The following GRID2 variants were observed in gnomAD, a reference collection of about 807,000 sequenced individuals.
The protein encoded by GRID2 is glutamate ionotropic receptor delta type subunit 2.
In GRID2, 33 loss-of-function variants were observed where a neutral mutation model predicts 114.8. That is an observed-to-expected ratio of 0.29 (90% CI 0.22 to 0.38). The LOEUF is 0.38. Ranked by LOEUF, GRID2 falls within the 10% of genes least tolerant of loss-of-function variation. GRID2 has a pLI of 1.00. For missense variants in GRID2, 1,184 were observed against 1,257.7 expected (o/e 0.94, Z 0.89); for synonymous variants, 505 against 449.9 (o/e 1.12, Z -1.55).
intron 2 of GRID2, among the ~76,000 whole-genome samples, chr4:92,779,163 T>C (rs1230953170): frequency 6.6e-6 from 1 of 151,464 alleles, no homozygotes; most frequent in Non-Finnish European, 1.5e-5. Context: ...AATTTTTTAC[T>C]ATAATTTTTA....
chr4:92,340,876 C>T (rs1553925321), intron 1 of GRID2, among the ~76,000 whole-genome samples: 1 of 152,108 alleles, frequency 6.6e-6, no homozygotes, highest in Non-Finnish European at 1.5e-5. Flanking sequence ...TTCTCTGTCT[C>T]TGAGTTTTTT....
chr4:93,735,123 T>C (rs975988825), intron 14 of GRID2, among the ~76,000 whole-genome samples: 2 of 151,984 alleles, frequency 1.3e-5, no homozygotes, highest in Non-Finnish European at 2.9e-5. Context: ...CCCAGGGCTG[T>C]TGGCTCAGTG....
At chr4:92,586,775 G>A (rs1728472211) in intron 1 of GRID2, among the ~76,000 whole-genome samples, 1 of 151,666 alleles carries the variant, frequency 6.6e-6, no homozygotes. Flanking sequence ...CGTGAAAATT[G>A]TTTTCAGTAG....
At chr4:93,789,715 T>C (rs1259765682) in intron 1 of GRID2, among the ~76,000 whole-genome samples, 1 of 152,204 alleles carries the variant, frequency 6.6e-6, no homozygotes, top group East Asian at 1.9e-4. Flanking sequence ...GATCAGTTTA[T>C]GAGTAGTTTC....
intron 2 of GRID2, among the ~76,000 whole-genome samples, chr4:93,076,212 T>C (rs535271887): frequency 6.6e-6 from 1 of 152,156 alleles, no homozygotes; most frequent in Admixed American, 6.5e-5. Context: ...GCACATAGAC[T>C]GCTGAAGAAA....
chr4:92,689,123 T>G (rs1734060177), intron 2 of GRID2, among the ~76,000 whole-genome samples: 2 of 152,166 alleles, frequency 1.3e-5, no homozygotes, highest in Admixed American at 1.3e-4. Context: ...AATAAACCAT[T>G]GGTGAAAATA....
chr4:93,429,500 C>A (rs1769192114), intron 10 of GRID2, among the ~76,000 whole-genome samples: 1 of 149,590 alleles, frequency 6.7e-6, no homozygotes, highest in Non-Finnish European at 1.5e-5. Flanking sequence ...AAGAACATGA[C>A]TGGTCGTTTT....
intron 1 of GRID2, among the ~76,000 whole-genome samples, chr4:92,452,256 A>AT (rs1172995420): frequency 6.6e-6 from 1 of 152,096 alleles, no homozygotes; most frequent in East Asian, 1.9e-4. Flanking sequence ...TCTATTATTA[A>AT]TGTCAACATT....
At chr4:93,511,476 A>G (rs28712057) in intron 12 of GRID2, among the ~76,000 whole-genome samples, 3,924 of 152,268 alleles carry the variant, frequency 0.026, 164 homozygotes, top group African/African-American at 0.087. Flanking sequence ...CAGGAATAAA[A>G]AAATAATCTC....
chr4:93,757,434 G>A (rs369930896), intron 14 of GRID2, among the ~76,000 whole-genome samples: 3 of 152,090 alleles, frequency 2.0e-5, no homozygotes, highest in African/African-American at 4.8e-5. Context: ...CAATCTCCAT[G>A]CCATCACCTG....
intron 8 of GRID2, among the ~76,000 whole-genome samples, chr4:93,335,694 C>CTTTTTCTTT (rs1758994453): frequency 7.1e-6 from 1 of 141,726 alleles, no homozygotes; most frequent in African/African-American, 2.7e-5. Flanking sequence ...TTTCTTCTTT[C>CTTTTTCTTT]TTTTTTTTTT....
chr4:93,695,190 T>A (rs1248580217), intron 14 of GRID2, among the ~76,000 whole-genome samples: 8 of 137,202 alleles, frequency 5.8e-5, no homozygotes, highest in African/African-American at 1.6e-4. Context: ...AAAAAAAAAA[T>A]GGTTACTGAG....
chr4:93,372,402 C>T (rs868644971), intron 8 of GRID2, among the ~76,000 whole-genome samples: 37 of 152,070 alleles, frequency 2.4e-4, no homozygotes, highest in African/African-American at 8.0e-4. Context: ...TACCTCTTCA[C>T]TCTATTCAAT....
At chr4:93,159,569 A>G (rs1469594689) in intron 4 of GRID2, among the ~76,000 whole-genome samples, 1 of 151,804 alleles carries the variant, frequency 6.6e-6, no homozygotes, top group Non-Finnish European at 1.5e-5. Context: ...ATAGTAAAAG[A>G]AAGATTACTA....
rs141829207 is a variant in GRID2 at position 93,401,254 on chromosome 4, A to G, written c.1347+5546A>G. 4.3e-4 allele frequency among the ~76,000 whole-genome samples: 66 copies of G among 152,228 alleles called. No homozygotes were observed. In the South Asian group the frequency reaches 8.1e-3, roughly 19 times the overall value. On this transcript the variant is annotated intron_variant, in intron 9 of 15. Coordinates refer to ENST00000282020, the MANE Select transcript of GRID2 (RefSeq NM_001510.4). ...AATTACCATAAAAATAATTCAATAT[A>G]TAAATTGAATTCATATATAAATATA...
chr4:92,568,427 G>GT (rs1188878687), intron 1 of GRID2, among the ~76,000 whole-genome samples: 2 of 151,886 alleles, frequency 1.3e-5, no homozygotes, highest in Non-Finnish European at 2.9e-5. Context: ...TTTCTCTCAA[G>GT]TTTTTTGTTG....
intron 1 of GRID2, among the ~76,000 whole-genome samples, chr4:92,325,680 T>C (rs1726555459): frequency 6.6e-6 from 1 of 151,814 alleles, no homozygotes; most frequent in Non-Finnish European, 1.5e-5. Context: ...TTCTTTCTCC[T>C]TTTGGCTTCA....
At chr4:92,590,473 G>T (rs181950093) in intron 2 of GRID2, among the ~76,000 whole-genome samples, 187 bp downstream of exon 2, 1 of 152,104 alleles carries the variant, frequency 6.6e-6, no homozygotes, top group East Asian at 1.9e-4. Context: ...GGCAGAATGT[G>T]GAAAGTTATT....
chr4:92,685,065 T>C (rs1208229611), intron 2 of GRID2, among the ~76,000 whole-genome samples: 1 of 152,086 alleles, frequency 6.6e-6, no homozygotes, highest in Non-Finnish European at 1.5e-5. Context: ...CTTATTTCCT[T>C]TGTTAACTCG....
Sources: allele counts gnomAD v4.1 joint callset (sites outside exome capture counted in the v4.1 genomes callset), GRCh38; gene constraint gnomAD v4.1.1; transcripts MANE v1.5; gene names NCBI Gene and HGNC (gene_info 2026-07-23, HGNC 2026-07-21).